The following GRID2 variants were observed in gnomAD, a reference collection of about 807,000 sequenced individuals.
The protein encoded by GRID2 is glutamate receptor ionotropic, delta-2.
In GRID2, 33 loss-of-function variants were observed where a neutral mutation model predicts 114.8. That is an observed-to-expected ratio of 0.29 (90% confidence interval 0.22 to 0.38). The LOEUF is 0.38. Among genes scored for constraint, GRID2 ranks in the 10% least tolerant of loss-of-function variants. The pLI is 1.00. For synonymous variants in GRID2, 505 were observed against 449.9 expected, an observed-to-expected ratio of 1.12 and a Z score of -1.55; for missense variants, 1,184 against 1,257.7, an observed-to-expected ratio of 0.94 and a Z score of 0.89.
At chr4:93,112,694 G>A (rs1456679725) in intron 4 of GRID2, among the ~76,000 whole-genome samples, 1 of 152,172 alleles carries the variant, frequency 6.6e-6, no homozygotes, top group Non-Finnish European at 1.5e-5. Context: ...ACAACAGAAA[G>A]TTTGCATCTC....
chr4:93,733,275 C>T (rs915907608), intron 14 of GRID2, among the ~76,000 whole-genome samples: 2 of 151,988 alleles, frequency 1.3e-5, no homozygotes, highest in Admixed American at 1.3e-4. Flanking sequence ...TTGAAAAAAC[C>T]CCATAGGAGA....
intron 13 of GRID2, among the ~76,000 whole-genome samples, chr4:93,598,267 A>T (rs906553014): frequency 2.6e-5 from 4 of 152,140 alleles, no homozygotes; most frequent in Non-Finnish European, 5.9e-5. Flanking sequence ...CACATAGGCA[A>T]TCTTACAACT....
In GRID2 at chr4:93,690,918, ATAAT is replaced by A. The variant is rs201814203; in HGVS notation, c.2360+64484_2360+64487del. Among the ~76,000 whole-genome samples the A allele has an allele frequency of 1.8e-3, 264 of 148,422 alleles. 1 individual carries two copies. The East Asian group carries it at 0.029, about 16-fold the overall frequency. On this transcript the variant is annotated intron_variant, in intron 14 of 15. Coordinates refer to ENST00000282020, the MANE Select transcript of GRID2 (RefSeq NM_001510.4). ...CACTTTATGTTATGTAGCTTTATAT[ATAAT>A]AGTTTATTTTATATATATTATAACA...
chr4:93,385,050 T>A (rs143809572), intron 8 of GRID2, among the ~76,000 whole-genome samples: 56 of 152,316 alleles, frequency 3.7e-4, no homozygotes, highest in Non-Finnish European at 6.3e-4. Flanking sequence ...AAAAATTCTC[T>A]TCAAAGTTGA....
rs563113556 is a variant in GRID2, at chr4:93,751,502, G to C, written c.2361-17708G>C. On this transcript the variant is annotated intron_variant, in intron 14 of 15. Transcript: ENST00000282020. ...GTTCCAGGCAGTTTCTGGTTCTTGG[G>C]GGGAAATGCTCCTGTGGCATTATTG... Among the ~76,000 whole-genome samples the C allele has an allele frequency of 3.9e-5, 6 of 152,082 alleles. No homozygotes were observed. The South Asian group carries it at 1.2e-3, about 32-fold the overall frequency.
At chr4:93,386,063 T>C (rs1463250865) in intron 8 of GRID2, among the ~76,000 whole-genome samples, 1 of 152,128 alleles carries the variant, frequency 6.6e-6, no homozygotes, top group African/African-American at 2.4e-5. Context: ...AAAATGTGTT[T>C]TCTCAAGGAC....
intron 13 of GRID2, among the ~76,000 whole-genome samples, chr4:93,578,587 A>ATTGTTTTTTT (rs1736647066): frequency 1.2e-5 from 1 of 83,928 alleles, no homozygotes; most frequent in Non-Finnish European, 2.2e-5. Flanking sequence ...TGTTTTTTGT[A>ATTGTTTTTTT]TTTTTTTTTT....
intron 14 of GRID2, among the ~76,000 whole-genome samples, chr4:93,647,431 A>G (rs559068236): frequency 6.6e-6 from 1 of 152,284 alleles, no homozygotes; most frequent in East Asian, 1.9e-4. Flanking sequence ...CTCTATACTC[A>G]TCCATCCATG....
At chr4:93,234,882 C>T (rs1746588450) in intron 7 of GRID2, among the ~76,000 whole-genome samples, 1 of 151,986 alleles carries the variant, frequency 6.6e-6, no homozygotes, top group Admixed American at 6.6e-5. Context: ...CACACATCTG[C>T]AGGTTACAAG....
At chr4:93,315,856 C>T (rs1756526388) in intron 8 of GRID2, among the ~76,000 whole-genome samples, 1 of 152,114 alleles carries the variant, frequency 6.6e-6, no homozygotes, top group South Asian at 2.1e-4. Flanking sequence ...GGCACTGACA[C>T]CAGGAGGTCC....
chr4:93,784,668 ACACACAC>A (rs1734556154), intron 1 of GRID2, among the ~76,000 whole-genome samples: 1 of 151,506 alleles, frequency 6.6e-6, no homozygotes, highest in Non-Finnish European at 1.5e-5. Context: ...ACACACACAC[ACACACAC>A]CACGGTATCG....
At chr4:92,336,619 A>G (rs541057993) in intron 1 of GRID2, among the ~76,000 whole-genome samples, 1 of 152,310 alleles carries the variant, frequency 6.6e-6, no homozygotes, top group South Asian at 2.1e-4. Context: ...AAAAATTAAA[A>G]ATAACATCAT....
intron 14 of GRID2, among the ~76,000 whole-genome samples, chr4:93,677,709 C>A (rs537479240): frequency 4.7e-4 from 71 of 152,138 alleles, no homozygotes; most frequent in Non-Finnish European, 8.4e-4. Flanking sequence ...AACAGACCTG[C>A]AACAGAGGGT....
At chr4:92,600,044 G>GTATATATATATATATATA (rs70942915) in intron 2 of GRID2, among the ~76,000 whole-genome samples, 4 of 54,454 alleles carry the variant, frequency 7.3e-5, no homozygotes, top group Non-Finnish European at 1.0e-4. Context: ...GTGTGTGTGT[G>GTATATATATATATATATA]TATATATATA....
chr4:92,454,217 A>T (rs1721094273), intron 1 of GRID2, among the ~76,000 whole-genome samples: 1 of 152,146 alleles, frequency 6.6e-6, no homozygotes, highest in Non-Finnish European at 1.5e-5. Context: ...AAATAATTAG[A>T]TTTGTATGTT....
intron 2 of GRID2, among the ~76,000 whole-genome samples, chr4:93,027,422 A>C (rs193205307): frequency 6.6e-6 from 1 of 152,182 alleles, no homozygotes; most frequent in African/African-American, 2.4e-5. Flanking sequence ...AAAGCAAGTA[A>C]TATATATATC....
At chr4:92,430,926 A>G (rs1344196866) in intron 1 of GRID2, among the ~76,000 whole-genome samples, 2 of 152,120 alleles carry the variant, frequency 1.3e-5, no homozygotes, top group Non-Finnish European at 2.9e-5. Context: ...GTATATACAT[A>G]TGCTGCTGAA....
At chr4:92,532,982 G>A (rs1725424123) in intron 1 of GRID2, among the ~76,000 whole-genome samples, 1 of 151,992 alleles carries the variant, frequency 6.6e-6, no homozygotes, top group Non-Finnish European at 1.5e-5. Flanking sequence ...AGCTACTTGG[G>A]AGGCTTGCTT....
chr4:92,731,837 A>G (rs1382877702), intron 2 of GRID2, among the ~76,000 whole-genome samples: 1 of 151,992 alleles, frequency 6.6e-6, no homozygotes, highest in South Asian at 2.1e-4. Flanking sequence ...AAAGAAACTA[A>G]TAGTCATATT....
Sources: gnomAD v4.1 joint callset for allele counts (sites outside exome capture counted in the v4.1 genomes callset) on GRCh38, gnomAD v4.1.1 for gene constraint, MANE v1.5 for transcripts, NCBI Gene and HGNC (gene_info 2026-07-23, HGNC 2026-07-21) for gene names.